The following TRIM38 variants were observed in gnomAD, a reference collection of about 807,000 sequenced individuals.
TRIM38 encodes the protein E3 ubiquitin-protein ligase TRIM38.
A neutral mutation model predicts 35.8 loss-of-function variants in TRIM38; 35 were observed. The observed-to-expected ratio is 0.98, with a 90% CI of 0.75 to 1.30. The LOEUF is 1.30. TRIM38 is among the 50% of genes most tolerant of loss of function. TRIM38 has a pLI of 0.00. For missense variants in TRIM38, 545 were observed against 556.9 expected, an observed-to-expected ratio of 0.98 and a Z score of 0.21; for synonymous variants, 198 against 204.7, an observed-to-expected ratio of 0.97 and a Z score of 0.28.
intron 5 of TRIM38, 97 bp from the exon 6 acceptor site, chr6:25,972,957 A>T: frequency 6.7e-7 from 1 of 1,492,524 alleles, no homozygotes; most frequent in Non-Finnish European, 9.2e-7. Flanking sequence ...AACTCTCTTT[A>T]CTTCTTCGGG....
rs954431132 is a variant in TRIM38 at position 25,969,349 on chromosome 6, A to G, written c.436A>G (p.Lys146Glu). The change falls in exon 4 of 8, where the codon AAA becomes GAA. Residue 146 changes from lysine (K) to glutamate (E), a missense_variant. Lys to Glu is a moderately conservative substitution (Grantham distance 56). Coordinates refer to ENST00000357085, the MANE Select transcript of TRIM38 (RefSeq NM_006355.5). Reference protein sequence around the residue: ...YKEKLQKAVTKLKQLEDRCTE... With the variant: ...YKEKLQKAVTELKQLEDRCTE... The stretch of plus-strand genomic sequence containing the variant: ...GGAAAAGCTCCAGAAAGCTGTGACA[A>G]AACTGAAGCAACTTGAAGACAGATG... 1.2e-6 allele frequency: 2 copies of G among 1,612,972 alleles called. No homozygotes were observed. Among genetic ancestry groups the G allele is most frequent in the South Asian group, 1.1e-5 (1 of 90,688 alleles).
In TRIM38 at chr6:25,983,490, A is replaced by G. The variant is rs754349053; in HGVS notation, c.1201A>G (p.Thr401Ala). The G allele has an allele frequency of 5.0e-6, 8 of 1,613,852 alleles. No homozygotes were observed. Among genetic ancestry groups the G allele is most frequent in the Non-Finnish European group, 6.8e-6 (8 of 1,179,998 alleles). ...KGYVALTSPP[T>A]SLHLHEQPLL... is the part of the protein sequence containing the mutation. Reference sequence around the variant, plus strand: ...CTATGTAGCACTTACTTCTCCCCCAACTTCCCTTCATCTGCATGAGCAGCC... The same window carrying G: ...CTATGTAGCACTTACTTCTCCCCCAGCTTCCCTTCATCTGCATGAGCAGCC... The change falls in exon 8 of 8, where the codon ACT becomes GCT. Residue 401 changes from threonine (T) to alanine (A), a missense_variant. Transcript: ENST00000357085.
intron 2 of TRIM38, among the ~76,000 whole-genome samples, chr6:25,965,558 G>T (rs966567314): frequency 7.2e-5 from 11 of 152,104 alleles, no homozygotes; most frequent in African/African-American, 2.7e-4. Context: ...GGAGGTCGAG[G>T]CTGCAGTGAG....
In TRIM38 at chr6:25,966,344, T is replaced by G; in HGVS notation, c.-179T>G. On this transcript the variant is annotated 5_prime_UTR_variant, in exon 3 of 8. Coordinates refer to ENST00000357085, the MANE Select transcript of TRIM38 (RefSeq NM_006355.5). ...AACTTCTTCCTTTTAGGTCCTCTTT[T>G]CTTCAATACAAAATGAGATAATAGG... The G allele has an allele frequency of 1.6e-6, 1 of 626,988 alleles. No individual in the cohort carries two copies. The highest frequency in any genetic ancestry group is 2.5e-6 in the Non-Finnish European group (1 of 398,802). 38.8% of individuals were successfully genotyped at this position (626,988 alleles called of 1,614,324 possible). A position where few individuals can be genotyped will look rare whatever the true frequency, so the allele number is the denominator to read the frequency against.
chr6:25,965,214 C>T (rs73385102), intron 2 of TRIM38, among the ~76,000 whole-genome samples: 2,306 of 152,270 alleles, frequency 0.015, 61 homozygotes, highest in African/African-American at 0.05. Flanking sequence ...TTGCTTCTCC[C>T]AGCACTTGGT....
At chr6:25,982,344 C>T (rs1760567639) in intron 7 of TRIM38, among the ~76,000 whole-genome samples, 1 of 152,188 alleles carries the variant, frequency 6.6e-6, no homozygotes, top group South Asian at 2.1e-4. Flanking sequence ...CCTTTCTACC[C>T]CCATGTCCTC....
chr6:25,984,015 G>A lies in TRIM38; in HGVS notation c.*328G>A, dbSNP rs1349177836. Reference sequence around the variant, plus strand: ...GGTACCCACAAGTCAGAAGGTCTGCGTTCTCCTAGTTTGTTTGCTGCCATT... The same window carrying A: ...GGTACCCACAAGTCAGAAGGTCTGCATTCTCCTAGTTTGTTTGCTGCCATT... On this transcript the variant is annotated 3_prime_UTR_variant, in exon 8 of 8. Coordinates refer to ENST00000357085, the MANE Select transcript of TRIM38 (RefSeq NM_006355.5). The A allele has an allele frequency of 2.4e-5, 5 of 204,936 alleles. No homozygotes were observed. The highest frequency in any genetic ancestry group is 1.1e-4 in the East Asian group (1 of 8,836). The allele number at this position is 204,936 out of a possible 1,614,324, so 12.7% of individuals were successfully genotyped here.
At chr6:25,967,410 G>A (rs79761013) in intron 3 of TRIM38, among the ~76,000 whole-genome samples, 5,200 of 151,772 alleles carry the variant, frequency 0.034, 261 homozygotes, top group African/African-American at 0.11. Flanking sequence ...GTAGAGAGTG[G>A]TTCATCTTAG....
chr6:25,963,148 G>A lies in TRIM38; in HGVS notation c.-323G>A, dbSNP rs764722089. On this transcript the variant is annotated 5_prime_UTR_variant, in exon 2 of 8. Transcript: ENST00000357085. ...GGAGGGGAGCCCCATCTCCCCAGAA[G>A]AGCAGTGACCCCAGCAGAGAGGGGC... The A allele has an allele frequency of 2.6e-5, 4 of 152,406 alleles. No individual in the cohort carries two copies. Among genetic ancestry groups the A allele is most frequent in the Non-Finnish European group, 5.9e-5 (4 of 68,134 alleles). The allele number at this position is 152,406 out of a possible 1,614,324, so 9.4% of individuals were successfully genotyped here. A position where few individuals can be genotyped will look rare whatever the true frequency, so the allele number is the denominator to read the frequency against.
intron 4 of TRIM38, among the ~76,000 whole-genome samples, chr6:25,971,037 T>C (rs2113592045): frequency 6.6e-6 from 1 of 152,354 alleles, no homozygotes; most frequent in Non-Finnish European, 1.5e-5. Context: ...CCAAGAATTA[T>C]GGACCCTCTT....
At chr6:25,971,753 T>A (rs899687339) in intron 4 of TRIM38, 116 bp from the exon 5 acceptor site, 88 of 872,794 alleles carry the variant, frequency 1.0e-4, no homozygotes, top group Non-Finnish European at 1.3e-4. Flanking sequence ...TGCTTGAATG[T>A]CTTCAAGGCT....
intron 7 of TRIM38, chr6:25,975,477 C>G: frequency 2.2e-6 from 1 of 452,966 alleles, no homozygotes; most frequent in South Asian, 9.3e-5. Flanking sequence ...GCTAGGATTA[C>G]AAGTGTTAGT....
At position 25,969,706 on chromosome 6, in the gene TRIM38, G is replaced by T. The variant is rs140152593; in HGVS notation, c.507+286G>T. Among the ~76,000 whole-genome samples, 573 of 152,164 alleles carry T rather than the reference G, an allele frequency of 3.8e-3. 5 individuals carry two copies. Among genetic ancestry groups the T allele is most frequent in the African/African-American group, 0.013 (525 of 41,494 alleles). On this transcript the variant is annotated intron_variant, in intron 4 of 7. Transcript: ENST00000357085. ...TGACTATTTACCTAGAAAAAGCATC[G>T]AGTGGGTCTCAAACTTTAAATACGT...
At chr6:25,966,159 T>C (rs1760034382) in intron 2 of TRIM38, among the ~76,000 whole-genome samples, 176 bp from the exon 3 acceptor site, 1 of 152,220 alleles carries the variant, frequency 6.6e-6, no homozygotes, top group Non-Finnish European at 1.5e-5. Context: ...CAAAAGCTTA[T>C]GCTATTTTAA....
chr6:25,985,952 C>T lies in TRIM38; in HGVS notation c.*2265C>T, dbSNP rs181943413. Reference sequence around the variant, plus strand: ...AATGAATAAAATAAACCTGTGGAAACTATAAGGAAGGCCAGAAGAAATATA... The same window carrying T: ...AATGAATAAAATAAACCTGTGGAAATTATAAGGAAGGCCAGAAGAAATATA... On this transcript the variant is annotated 3_prime_UTR_variant, in exon 8 of 8. Coordinates refer to ENST00000357085, the MANE Select transcript of TRIM38 (RefSeq NM_006355.5). The T allele has an allele frequency of 2.6e-5, 4 of 152,050 alleles. No homozygotes were observed. Among genetic ancestry groups the T allele is most frequent in the Admixed American group, 2.6e-4 (4 of 15,290 alleles). 9.4% of individuals were successfully genotyped at this position (152,050 alleles called of 1,614,324 possible).
At chr6:25,970,562 T>C (rs1760200832) in intron 4 of TRIM38, among the ~76,000 whole-genome samples, 1 of 151,988 alleles carries the variant, frequency 6.6e-6, no homozygotes, top group Non-Finnish European at 1.5e-5. Flanking sequence ...CACTCTTACT[T>C]CCCCCATTTC....
In TRIM38 at chr6:25,989,509, T is replaced by A. The variant is rs1366572424; in HGVS notation, c.*5822T>A. 1.4e-5 allele frequency: 2 copies of A among 141,882 alleles called. No individual in the cohort carries two copies. Among genetic ancestry groups the A allele is most frequent in the Non-Finnish European group, 3.0e-5 (2 of 66,014 alleles). 8.8% of individuals were successfully genotyped at this position (141,882 alleles called of 1,614,324 possible). ...TGCTATTGTTAGCAAGGTCTTGTAT[T>A]CTTTTTTTTTTTTTTTTTTTTTTTT... On this transcript the variant is annotated 3_prime_UTR_variant, in exon 8 of 8. Coordinates refer to ENST00000357085, the MANE Select transcript of TRIM38 (RefSeq NM_006355.5).
Position 25,986,883 on chromosome 6 carries a change from G to A in TRIM38, c.*3196G>A, listed in dbSNP as rs531595885. ...ACCCAAGTTGTAGGATGGAAAAAAG[G>A]ACACAAAAGTAGGGTGAAGAGCATG... On this transcript the variant is annotated 3_prime_UTR_variant, in exon 8 of 8. Transcript: ENST00000357085. 1.3e-5 allele frequency: 2 copies of A among 152,286 alleles called. No homozygotes were observed. The highest frequency in any genetic ancestry group is 4.8e-5 in the African/African-American group (2 of 41,550). 9.4% of individuals were successfully genotyped at this position (152,286 alleles called of 1,614,324 possible).
At position 25,986,646 on chromosome 6, in the gene TRIM38, G is replaced by T. The variant is rs915552820; in HGVS notation, c.*2959G>T. ...CATGTACCCTTGAAGATTAGATTAAGTTCTATAAAATAGCCCAAAATGACA... is the reference window on the plus strand; with the variant it reads ...CATGTACCCTTGAAGATTAGATTAATTTCTATAAAATAGCCCAAAATGACA... On this transcript the variant is annotated 3_prime_UTR_variant, in exon 8 of 8. Coordinates refer to ENST00000357085, the MANE Select transcript of TRIM38 (RefSeq NM_006355.5). The T allele has an allele frequency of 6.6e-6, 1 of 151,434 alleles. No individual in the cohort carries two copies. The highest frequency in any genetic ancestry group is 2.4e-5 in the African/African-American group (1 of 41,162). 9.4% of individuals were successfully genotyped at this position (151,434 alleles called of 1,614,324 possible). A position where few individuals can be genotyped will look rare whatever the true frequency, so the allele number is the denominator to read the frequency against.
Sources: allele counts gnomAD v4.1 joint callset (sites outside exome capture counted in the v4.1 genomes callset), GRCh38; gene constraint gnomAD v4.1.1; transcripts MANE v1.5; gene names NCBI Gene and HGNC (gene_info 2026-07-23, HGNC 2026-07-21).